TOP3B: variants seen among roughly 807,000 people sequenced by gnomAD.
TOP3B encodes DNA topoisomerase 3-beta-1.
TOP3B carries 45 observed loss-of-function variants against 93.9 expected under a neutral mutation model. The observed-to-expected ratio is 0.48, with a 90% confidence interval of 0.38 to 0.61. The LOEUF (loss-of-function observed/expected upper bound fraction) is 0.61. TOP3B is among the 20% of genes least tolerant of loss of function. The probability of loss-of-function intolerance (pLI) is 0.00; values close to 1 mark genes in which losing one functional copy is unlikely to be tolerated. For missense variants in TOP3B, 750 were observed against 1,156.1 expected (o/e 0.65, Z 5.09); for synonymous variants, 357 against 472.6 (o/e 0.76, Z 3.17).
intron 1 of TOP3B, among the ~76,000 whole-genome samples, chr22:21,979,934 C>T (rs1425746959): frequency 4.8e-5 from 6 of 125,916 alleles, no homozygotes; most frequent in African/African-American, 9.4e-5. Flanking sequence ...GAGTGAGACT[C>T]CATCTCCAAA....
At chr22:21,980,390 G>A (rs1202433640) in intron 1 of TOP3B, among the ~76,000 whole-genome samples, 1 of 152,158 alleles carries the variant, frequency 6.6e-6, no homozygotes, top group Non-Finnish European at 1.5e-5. Flanking sequence ...GGATGCCAAA[G>A]GAACTCCCTC....
chr22:21,962,042 T>A, intron 13 of TOP3B: 4 of 1,032,926 alleles, frequency 3.9e-6, no homozygotes, highest in South Asian at 3.8e-5. Flanking sequence ...TCCTGTGAGA[T>A]CTCATTTCCC....
At chr22:21,960,055 C>CTG in intron 14 of TOP3B, 1 of 626,458 alleles carries the variant, frequency 1.6e-6, no homozygotes, top group Non-Finnish European at 2.7e-6. Context: ...CCCTGGGGAA[C>CTG]CTCCAGGGAA....
At chr22:21,977,251 T>C (rs1194740924) in intron 1 of TOP3B, 1 of 151,936 alleles carries the variant, frequency 6.6e-6, no homozygotes, top group Non-Finnish European at 1.5e-5. Flanking sequence ...ACCACCTAGA[T>C]GGGCACAGTG....
Position 21,970,185 on chromosome 22 carries a change from AGGACTCTGC to A in TOP3B, c.581+16_581+24del. The A allele has an allele frequency of 1.3e-6, 2 of 1,580,542 alleles. No homozygotes were observed. The highest frequency in any genetic ancestry group is 1.7e-6 in the Non-Finnish European group (2 of 1,160,046). On this transcript the variant is annotated intron_variant, in intron 6 of 17. Transcript: ENST00000357179. This position sits in a 1 kb window ranked among gnomAD's most constrained non-coding sequence, Gnocchi z 4.4. Reference sequence around the variant, plus strand: ...GCTGAGGGAGAGTGAGGGTGTGCCCAGGACTCTGCGGGTGTGGCCAGCACCTGGTGAATG... The same window carrying A: ...GCTGAGGGAGAGTGAGGGTGTGCCCAGGGTGTGGCCAGCACCTGGTGAATG...
At position 21,963,767 on chromosome 22, in the gene TOP3B, A is replaced by T; in HGVS notation, c.1204+156T>A. On this transcript the variant is annotated intron_variant, in intron 11 of 17. Coordinates refer to ENST00000357179, the MANE Select transcript of TOP3B (RefSeq NM_001282112.2). This position sits in a 1 kb window ranked among gnomAD's most constrained non-coding sequence, Gnocchi z 4.8. ...TTCACTCCTGTCCTGGTCCCATAGC[A>T]ATGGAGCTCATCTTCCAGGTGGCCC... 1.4e-6 allele frequency: 1 copy of T among 699,086 alleles called. No individual in the cohort carries two copies. The highest frequency in any genetic ancestry group is 2.4e-6 in the Non-Finnish European group (1 of 416,188). 43.3% of individuals were successfully genotyped at this position (699,086 alleles called of 1,614,324 possible).
intron 14 of TOP3B, 85 bp downstream of exon 14, chr22:21,960,236 C>G (rs1463843649): frequency 6.3e-7 from 1 of 1,590,194 alleles, no homozygotes. Flanking sequence ...GGGCAGGGGC[C>G]TGTCTGGAGC....
rs114437985 is a variant in TOP3B at position 21,960,749 on chromosome 22, C to T, written c.1526-300G>A. ...ACTCTCCAAGGTCACAGTGCTTATTCTGCGCCTGGAAAATGTGACTTCTAT... is the reference window on the plus strand; with the variant it reads ...ACTCTCCAAGGTCACAGTGCTTATTTTGCGCCTGGAAAATGTGACTTCTAT... On this transcript the variant is annotated intron_variant, in intron 13 of 17. Transcript: ENST00000357179. 1,200 of 372,900 alleles carry T rather than the reference C, an allele frequency of 3.2e-3. 10 individuals are homozygous for T. Among genetic ancestry groups the T allele is most frequent in the African/African-American group, 0.023 (1,113 of 49,266 alleles). The allele number at this position is 372,900 out of a possible 1,614,324, so 23.1% of individuals were successfully genotyped here.
chr22:21,972,670 T>C lies in TOP3B; in HGVS notation c.251A>G (p.Gln84Arg). ...DKVDPAELFS[Q>R]APTEKKEANP... is the part of the protein sequence containing the mutation. The stretch of plus-strand genomic sequence containing the variant: ...AGCTTCTTTCTTCTCCGTGGGAGCT[T>C]GGCTGAACAGTTCTGCGGGGTCCAC... The change falls in exon 4 of 18, where the codon CAA becomes CGA. Residue 84 changes from glutamine to arginine, a missense_variant. This residue lies in a region of TOP3B where 737 missense variants were observed against 933.7 expected (regional missense o/e 0.79). Coordinates refer to ENST00000357179, the MANE Select transcript of TOP3B (RefSeq NM_001282112.2). 1.2e-6 allele frequency: 2 copies of C among 1,613,640 alleles called. No homozygotes were observed. Among genetic ancestry groups the C allele is most frequent in the Non-Finnish European group, 1.7e-6 (2 of 1,179,906 alleles).
chr22:21,981,363 GC>G (rs1339549481), intron 1 of TOP3B, among the ~76,000 whole-genome samples: 1 of 152,138 alleles, frequency 6.6e-6, no homozygotes, highest in Non-Finnish European at 1.5e-5. Context: ...ATCCTGTCCT[GC>G]CTCTGTGAGC....
In TOP3B at chr22:21,962,436, A is replaced by G. The variant is rs200839348; in HGVS notation, c.1518T>C (p.His506=). 1.2e-6 allele frequency: 2 copies of G among 1,613,508 alleles called. No individual in the cohort carries two copies. Among genetic ancestry groups the G allele is most frequent in the Non-Finnish European group, 1.7e-6 (2 of 1,180,006 alleles). ...CTGGGCAGGCGCACCCACCGATGCC[A>G]TGCTTCTCCATGAGCGTGATGAGCT... The part of the protein sequence containing the change: ...EAELITLMEK[H]GIGTDASIPV... Residue 506 remains histidine (H), a synonymous_variant, in exon 13 of 18, where the codon CAT becomes CAC. Transcript: ENST00000357179.
chr22:21,974,413 G>T lies in TOP3B; in HGVS notation c.146C>A (p.Pro49Gln). The change falls in exon 3 of 18, where the codon CCA becomes CAA. Residue 49 changes from proline (P) to glutamine (Q), a missense_variant. Physicochemically the swap from Pro to Gln is moderately conservative, Grantham distance 76. Coordinates refer to ENST00000357179, the MANE Select transcript of TOP3B (RefSeq NM_001282112.2). The part of the protein sequence containing the change: ...HEYTGTFAGQ[P>Q]VRFKMTSVCG... ...GACAGACGTCATCTTGAAGCGCACT[G>T]GCTGGCCAGCAAAGGTCCCAGTGTA... 6.2e-7 allele frequency: 1 copy of T among 1,614,210 alleles called. No individual in the cohort carries two copies.
rs775521758 is a variant in TOP3B, at chr22:21,970,194, C to T, written c.581+16G>A. 2.2e-5 allele frequency: 36 copies of T among 1,606,266 alleles called. No homozygotes were observed. Among genetic ancestry groups the T allele is most frequent in the Middle Eastern group, 1.8e-4 (1 of 5,472 alleles). On this transcript the variant is annotated intron_variant, in intron 6 of 17. Transcript: ENST00000357179. The surrounding 1 kb of genome is among the most constrained non-coding windows in gnomAD (Gnocchi z 4.4). ...GAGTGAGGGTGTGCCCAGGACTCTG[C>T]GGGTGTGGCCAGCACCTGGTGAATG...
chr22:21,971,540 G>A lies in TOP3B; in HGVS notation c.384+337C>T, dbSNP rs955508913. On this transcript the variant is annotated intron_variant, in intron 5 of 17. Transcript: ENST00000357179. The surrounding 1 kb of genome is among the most constrained non-coding windows in gnomAD (Gnocchi z 4.6). The stretch of plus-strand genomic sequence containing the variant: ...CAACCAGCATCAACCCAAGGTCCCT[G>A]AGAAGTCACGCTGGGCACAAGATGC... The A allele has an allele frequency of 5.3e-6, 2 of 378,708 alleles. No homozygotes were observed. The highest frequency in any genetic ancestry group is 1.0e-5 in the Non-Finnish European group (2 of 196,796). 23.5% of individuals were successfully genotyped at this position (378,708 alleles called of 1,614,324 possible).
chr22:21,970,680 C>CCCGCCCTCTA lies in TOP3B; in HGVS notation c.385-275_385-274insTAGAGGGCGG, dbSNP rs2071601765. The CCCGCCCTCTA allele has an allele frequency of 2.0e-6, 1 of 490,130 alleles. No homozygotes were observed. The highest frequency in any genetic ancestry group is 2.3e-5 in the South Asian group (1 of 43,118). The allele number at this position is 490,130 out of a possible 1,614,324, so 30.4% of individuals were successfully genotyped here. A position where few individuals can be genotyped will look rare whatever the true frequency, so the allele number is the denominator to read the frequency against. On this transcript the variant is annotated intron_variant, in intron 5 of 17. Transcript: ENST00000357179. The surrounding 1 kb of genome is among the most constrained non-coding windows in gnomAD (Gnocchi z 4.4). The stretch of plus-strand genomic sequence containing the variant: ...CATACTCGAACACTCCCTTCTTACT[C>CCCGCCCTCTA]CCGCCCTCTCTTCTAATCCTCTGCT...
intron 15 of TOP3B, 53 bp from the exon 16 acceptor site, chr22:21,959,285 G>A: frequency 6.2e-7 from 1 of 1,602,884 alleles, no homozygotes; most frequent in Non-Finnish European, 8.5e-7. Flanking sequence ...CCAGCAAAAG[G>A]CTCCGCAACA....
chr22:21,972,184 T>A, intron 4 of TOP3B: 1 of 543,146 alleles, frequency 1.8e-6, no homozygotes, highest in Non-Finnish European at 3.2e-6. Flanking sequence ...AAATGCAACA[T>A]GATCTTATAC....
chr22:21,979,833 C>A (rs1041721036), intron 1 of TOP3B, among the ~76,000 whole-genome samples: 1 of 147,396 alleles, frequency 6.8e-6, no homozygotes, highest in Non-Finnish European at 1.5e-5. Flanking sequence ...CCCAGCTACT[C>A]GGGAGGCTGA....
intron 4 of TOP3B, chr22:21,972,260 G>A (rs914503157): frequency 8.7e-6 from 4 of 457,764 alleles, no homozygotes; most frequent in Non-Finnish European, 1.5e-5. Context: ...GTCGTCTTGG[G>A]TAATATGATT....
Sources: gnomAD v4.1 joint callset for allele counts (sites outside exome capture counted in the v4.1 genomes callset) on GRCh38, gnomAD v4.1.1 for gene constraint, gnomAD v4.1.1 regional missense constraint, Gnocchi (gnomAD v3.1) non-coding constraint, MANE v1.5 for transcripts, NCBI Gene and HGNC (gene_info 2026-07-23, HGNC 2026-07-21) for gene names.